Variants in GALNTL6 observed in about 807,000 individuals in gnomAD.
GALNTL6 encodes the protein polypeptide N-acetylgalactosaminyltransferase like 6.
In GALNTL6, 46 loss-of-function variants were observed where a neutral mutation model predicts 73.7. The observed-to-expected ratio is 0.62, with a 90% CI of 0.49 to 0.80. The LOEUF is 0.80. Ranked by LOEUF, GALNTL6 falls within the 30% of genes least tolerant of loss-of-function variation. The pLI is 0.00. For missense variants in GALNTL6, 604 were observed against 755.0 expected, an observed-to-expected ratio of 0.80 and a Z score of 2.34; for synonymous variants, 259 against 263.7, an observed-to-expected ratio of 0.98 and a Z score of 0.17.
At chr4:172,238,298 A>G (rs1159475755) in intron 3 of GALNTL6, among the ~76,000 whole-genome samples, 9 of 152,022 alleles carry the variant, frequency 5.9e-5, no homozygotes, top group African/African-American at 7.2e-5. Context: ...TGTAATCCTC[A>G]TTTTAGAGAT....
At chr4:172,931,124 T>A in intron 8 of GALNTL6, 37 bp from the exon 9 acceptor site, 2 of 1,099,444 alleles carry the variant, frequency 1.8e-6, no homozygotes, top group Non-Finnish European at 2.8e-6. Context: ...TTGTGTGAAA[T>A]TCACTGTTGT....
At chr4:172,574,775 T>A (rs1238667173) in intron 5 of GALNTL6, among the ~76,000 whole-genome samples, 1 of 152,058 alleles carries the variant, frequency 6.6e-6, no homozygotes, top group East Asian at 1.9e-4. Context: ...GATAATAGGG[T>A]CTAAATATAT....
intron 2 of GALNTL6, among the ~76,000 whole-genome samples, chr4:172,162,444 G>GA (rs1235134495): frequency 6.6e-6 from 1 of 151,802 alleles, no homozygotes; most frequent in Non-Finnish European, 1.5e-5. Context: ...GTACATCTCT[G>GA]AAAAAACTAT....
At chr4:171,992,769 A>G (rs1322929135) in intron 2 of GALNTL6, among the ~76,000 whole-genome samples, 1 of 152,136 alleles carries the variant, frequency 6.6e-6, no homozygotes, top group Non-Finnish European at 1.5e-5. Flanking sequence ...AGGGTTTCAT[A>G]GAACATAAGT....
chr4:171,913,115 A>G (rs781399741), intron 2 of GALNTL6, among the ~76,000 whole-genome samples: 4 of 152,138 alleles, frequency 2.6e-5, no homozygotes, highest in Non-Finnish European at 4.4e-5. Context: ...CATTTTCCCA[A>G]TCTTCTGATC....
chr4:172,306,733 G>A (rs867342523), intron 3 of GALNTL6, among the ~76,000 whole-genome samples: 1 of 152,238 alleles, frequency 6.6e-6, no homozygotes, highest in Middle Eastern at 3.4e-3. Flanking sequence ...CCATTCCTGA[G>A]TTATTTCACT....
chr4:172,870,843 A>C (rs1744895501), intron 7 of GALNTL6, among the ~76,000 whole-genome samples: 1 of 152,232 alleles, frequency 6.6e-6, no homozygotes, highest in Admixed American at 6.5e-5. Context: ...CTTACTCAGA[A>C]AGTGTCATGG....
chr4:172,661,510 GAAGAT>G (rs762187971), intron 5 of GALNTL6, among the ~76,000 whole-genome samples: 7 of 152,004 alleles, frequency 4.6e-5, no homozygotes, highest in African/African-American at 1.7e-4. Context: ...CAGGAATGCA[GAAGAT>G]AAGAACCCAG....
intron 5 of GALNTL6, among the ~76,000 whole-genome samples, chr4:172,728,540 G>T (rs993730063): frequency 6.6e-6 from 1 of 151,824 alleles, no homozygotes; most frequent in Non-Finnish European, 1.5e-5. Context: ...AAATATATAT[G>T]TGTGTATATA....
intron 5 of GALNTL6, among the ~76,000 whole-genome samples, chr4:172,522,178 A>G (rs573230503): frequency 6.0e-4 from 92 of 152,330 alleles, no homozygotes; most frequent in African/African-American, 2.1e-3. Flanking sequence ...AATTAAAACC[A>G]TATCTAATGT....
chr4:172,342,451 A>G (rs1297228434), intron 4 of GALNTL6, among the ~76,000 whole-genome samples: 1 of 152,180 alleles, frequency 6.6e-6, no homozygotes, highest in African/African-American at 2.4e-5. Flanking sequence ...GTGCCTCATC[A>G]TTGTATCACT....
chr4:173,014,552 G>C (rs1162043632), intron 11 of GALNTL6, among the ~76,000 whole-genome samples: 1 of 152,186 alleles, frequency 6.6e-6, no homozygotes, highest in Non-Finnish European at 1.5e-5. Context: ...TGTGCATCCA[G>C]GGGACAGATT....
intron 5 of GALNTL6, among the ~76,000 whole-genome samples, chr4:172,396,915 A>T (rs1743869161): frequency 6.6e-6 from 1 of 152,184 alleles, no homozygotes; most frequent in South Asian, 2.1e-4. Context: ...ATCATTAGAA[A>T]TGTTCTTTAT....
At chr4:171,966,167 G>A (rs753830441) in intron 2 of GALNTL6, among the ~76,000 whole-genome samples, 1 of 152,024 alleles carries the variant, frequency 6.6e-6, no homozygotes, top group Non-Finnish European at 1.5e-5. Context: ...TTAGTCATAG[G>A]GGAGATCCTA....
intron 2 of GALNTL6, among the ~76,000 whole-genome samples, chr4:172,050,269 T>A (rs1221880866): frequency 6.6e-6 from 1 of 152,134 alleles, no homozygotes; most frequent in Non-Finnish European, 1.5e-5. Flanking sequence ...CGGTTCAGGC[T>A]TTAGTCCCAA....
At chr4:172,740,327 G>A (rs1320010749) in intron 5 of GALNTL6, among the ~76,000 whole-genome samples, 1 of 152,206 alleles carries the variant, frequency 6.6e-6, no homozygotes, top group Admixed American at 6.5e-5. Context: ...TTGGAAGAGA[G>A]CCTAAGAGGA....
intron 5 of GALNTL6, among the ~76,000 whole-genome samples, chr4:172,387,051 G>T (rs1743498087): frequency 1.3e-5 from 2 of 152,084 alleles, no homozygotes; most frequent in Non-Finnish European, 2.9e-5. Context: ...ATCCAGTCAA[G>T]GTGACAGCCA....
chr4:172,585,435 T>C (rs1390463579), intron 5 of GALNTL6, among the ~76,000 whole-genome samples: 2 of 152,178 alleles, frequency 1.3e-5, no homozygotes, highest in Admixed American at 6.5e-5. Context: ...CGCCCCAGTG[T>C]GTGATGTTCC....
chr4:172,547,999 A>G (rs1735834162), intron 5 of GALNTL6, among the ~76,000 whole-genome samples: 1 of 152,178 alleles, frequency 6.6e-6, no homozygotes, highest in African/African-American at 2.4e-5. Flanking sequence ...CATGGAAACT[A>G]TGACTTTGTA....
Sources: allele counts gnomAD v4.1 joint callset (sites outside exome capture counted in the v4.1 genomes callset), GRCh38; gene constraint gnomAD v4.1.1; transcripts MANE v1.5; gene names NCBI Gene and HGNC (gene_info 2026-07-23, HGNC 2026-07-21).